MICU1: variants seen among roughly 807,000 people sequenced by gnomAD.
The protein encoded by MICU1 is calcium uptake protein 1, mitochondrial.
In MICU1, 45 loss-of-function variants were observed where a neutral mutation model predicts 56.8. The observed-to-expected ratio is 0.79, with a 90% CI of 0.62 to 1.02. MICU1 has a LOEUF of 1.02. Among genes scored for constraint, MICU1 ranks in the 50% least tolerant of loss-of-function variants. The pLI, the probability that MICU1 is intolerant of heterozygous loss-of-function variation, is 0.00. For missense variants in MICU1, 504 were observed against 587.1 expected (o/e 0.86, Z 1.46); for synonymous variants, 186 against 195.1 (o/e 0.95, Z 0.39).
Position 72,604,979 on chromosome 10 carries a change from T to C in MICU1, c.-2+21031A>G, listed in dbSNP as rs188861263. On this transcript the variant is annotated intron_variant, in intron 1 of 11. Coordinates refer to ENST00000361114, the MANE Select transcript of MICU1 (RefSeq NM_001195518.2). ...ACAAATGACCATAATGAGAATTAAA[T>C]GTAATAATACTTGTAAAATGCTGAG... Among the ~76,000 whole-genome samples the C allele has an allele frequency of 3.3e-5, 5 of 152,322 alleles. No individual in the cohort carries two copies. In the East Asian group the frequency reaches 9.6e-4, roughly 29 times the overall value.
chr10:72,544,900 C>T (rs1454022841), intron 4 of MICU1, among the ~76,000 whole-genome samples: 1 of 152,204 alleles, frequency 6.6e-6, no homozygotes, highest in Admixed American at 6.6e-5. Flanking sequence ...CATTTTAAAA[C>T]TGCTTAATTT....
chr10:72,595,107 A>G (rs1040458541), intron 1 of MICU1, among the ~76,000 whole-genome samples: 2 of 151,974 alleles, frequency 1.3e-5, no homozygotes, highest in African/African-American at 4.8e-5. Context: ...TTCCATGTGT[A>G]AATCCAAGAA....
At chr10:72,530,277 G>A (rs1225780403) in intron 5 of MICU1, among the ~76,000 whole-genome samples, 1 of 149,884 alleles carries the variant, frequency 6.7e-6, no homozygotes, top group East Asian at 1.9e-4. Flanking sequence ...AGGTTGCAGT[G>A]GGCCGAGATC....
intron 3 of MICU1, chr10:72,562,683 A>T (rs1385594742): frequency 5.1e-6 from 2 of 389,112 alleles, no homozygotes; most frequent in African/African-American, 4.1e-5. Context: ...AAAATATGCT[A>T]ATCATGGTTA....
chr10:72,439,684 A>G (rs1158097619), intron 8 of MICU1, among the ~76,000 whole-genome samples: 1 of 152,244 alleles, frequency 6.6e-6, no homozygotes, highest in Non-Finnish European at 1.5e-5. Flanking sequence ...CCTTAAGCTG[A>G]CAAGCAACTT....
At chr10:72,384,536 G>A (rs1456341831) in intron 10 of MICU1, among the ~76,000 whole-genome samples, 2 of 151,966 alleles carry the variant, frequency 1.3e-5, no homozygotes. Flanking sequence ...TCTTTGTGAT[G>A]TAATTCATGA....
intron 8 of MICU1, among the ~76,000 whole-genome samples, chr10:72,457,689 G>GGAGGGA (rs1289520131): frequency 6.6e-6 from 1 of 151,964 alleles, no homozygotes. Context: ...AAAAGGGGTG[G>GGAGGGA]GAGGGAGAGG....
chr10:72,596,642 T>G (rs1185866528), intron 1 of MICU1, among the ~76,000 whole-genome samples: 3 of 151,722 alleles, frequency 2.0e-5, no homozygotes, highest in South Asian at 2.1e-4. Flanking sequence ...GAGGCCGAGG[T>G]GGGTGGACCA....
rs1348999176 is a variant in MICU1, at chr10:72,489,321, CACAA to C, written c.653-12069_653-12066del. ...ACACACACACACACACACACACACA[CACAA>C]AAATAAAAAAAAAAGGAACTAACTT... is the stretch of plus-strand genomic sequence containing the variant. On this transcript the variant is annotated intron_variant, in intron 6 of 11. Coordinates refer to ENST00000361114, the MANE Select transcript of MICU1 (RefSeq NM_001195518.2). 2.7e-3 allele frequency among the ~76,000 whole-genome samples: 365 copies of C among 133,310 alleles called. 1 individual carries two copies. The highest frequency in any genetic ancestry group is 0.013 in the African/African-American group (326 of 25,454). The allele number at this position is 133,310 out of a possible 152,430, so 87.5% of individuals were successfully genotyped here. A position where few individuals can be genotyped will look rare whatever the true frequency, so the allele number is the denominator to read the frequency against.
chr10:72,591,072 A>G (rs1488542465), intron 1 of MICU1, among the ~76,000 whole-genome samples: 1 of 152,174 alleles, frequency 6.6e-6, no homozygotes, highest in African/African-American at 2.4e-5. Flanking sequence ...TAAAGTTAGA[A>G]ATCAGTAACA....
intron 8 of MICU1, among the ~76,000 whole-genome samples, chr10:72,448,656 A>C (rs1463979188): frequency 6.6e-6 from 1 of 152,180 alleles, no homozygotes; most frequent in Non-Finnish European, 1.5e-5. Flanking sequence ...AGCTTAAGGA[A>C]GCTTTAATAC....
chr10:72,371,555 C>T (rs2132030198), intron 11 of MICU1, among the ~76,000 whole-genome samples: 1 of 151,898 alleles, frequency 6.6e-6, no homozygotes, highest in South Asian at 2.1e-4. Flanking sequence ...CCAGCCTGGC[C>T]AACATGGTGA....
chr10:72,587,525 T>C (rs1247800352), intron 1 of MICU1, among the ~76,000 whole-genome samples: 1 of 150,456 alleles, frequency 6.6e-6, no homozygotes, highest in African/African-American at 2.4e-5. Context: ...ATCACAGCAC[T>C]TTGGAAGGCC....
At chr10:72,550,220 T>C (rs1288013399) in intron 4 of MICU1, among the ~76,000 whole-genome samples, 1 of 152,208 alleles carries the variant, frequency 6.6e-6, no homozygotes, top group Non-Finnish European at 1.5e-5. Context: ...TTTTACTATA[T>C]CTTTTCTATG....
chr10:72,384,413 G>C (rs1189875034), intron 10 of MICU1, among the ~76,000 whole-genome samples: 1 of 152,092 alleles, frequency 6.6e-6, no homozygotes, highest in East Asian at 1.9e-4. Context: ...TGTAATTCTA[G>C]TAATCATTCT....
intron 1 of MICU1, among the ~76,000 whole-genome samples, chr10:72,569,637 T>C (rs916432237): frequency 4.6e-5 from 7 of 152,092 alleles, no homozygotes; most frequent in Non-Finnish European, 7.4e-5. Flanking sequence ...AAAGCTTTTG[T>C]TTAGTCTTAA....
chr10:72,597,726 T>C (rs1273504175), intron 1 of MICU1, among the ~76,000 whole-genome samples: 1 of 152,184 alleles, frequency 6.6e-6, no homozygotes, highest in Non-Finnish European at 1.5e-5. Context: ...TTATACAACA[T>C]TTTTTGTAAT....
At chr10:72,422,631 C>T (rs1026566308) in intron 9 of MICU1, among the ~76,000 whole-genome samples, 5 of 152,006 alleles carry the variant, frequency 3.3e-5, no homozygotes, top group Non-Finnish European at 5.9e-5. Flanking sequence ...ACTGGATCCT[C>T]GCTGTTATAT....
chr10:72,434,158 G>A (rs934478722), intron 8 of MICU1, among the ~76,000 whole-genome samples: 1 of 151,998 alleles, frequency 6.6e-6, no homozygotes, highest in African/African-American at 2.4e-5. Context: ...GCCTAAATGG[G>A]CCATCTTCCT....
Sources: gnomAD v4.1 joint callset for allele counts (sites outside exome capture counted in the v4.1 genomes callset) on GRCh38, gnomAD v4.1.1 for gene constraint, MANE v1.5 for transcripts, NCBI Gene and HGNC (gene_info 2026-07-23, HGNC 2026-07-21) for gene names.